ANKRD28: variants seen among roughly 807,000 people sequenced by gnomAD.
ANKRD28 encodes the protein ankyrin repeat domain 28, also known as serine/threonine-protein phosphatase 6 regulatory ankyrin repeat subunit A.
In ANKRD28, 44 loss-of-function variants were observed where a neutral mutation model predicts 126.5. That is an observed-to-expected ratio of 0.35 (90% CI 0.27 to 0.45). The LOEUF (loss-of-function observed/expected upper bound fraction) is 0.45. Among genes scored for constraint, ANKRD28 ranks in the 20% least tolerant of loss-of-function variants. The pLI is 1.00. For synonymous variants in ANKRD28, 442 were observed against 468.5 expected (o/e 0.94, Z 0.73); for missense variants, 1,110 against 1,316.6 (o/e 0.84, Z 2.43).
intron 3 of ANKRD28, among the ~76,000 whole-genome samples, chr3:15,757,485 C>T (rs1012875712): frequency 6.6e-5 from 10 of 152,124 alleles, no homozygotes; most frequent in South Asian, 2.1e-4. Context: ...TGAATGTTTG[C>T]GTTCCCCCAA....
rs186599580 is a variant in ANKRD28 at position 15,797,604 on chromosome 3, T to G, written c.-1083A>C. The G allele has an allele frequency of 2.0e-6, 2 of 985,096 alleles. No homozygotes were observed. The highest frequency in any genetic ancestry group is 3.5e-5 in the African/African-American group (2 of 57,250). The allele number at this position is 985,096 out of a possible 1,614,324, so 61.0% of individuals were successfully genotyped here. On this transcript the variant is annotated 5_prime_UTR_variant, in exon 1 of 28. Coordinates refer to ENST00000683139, the MANE Select transcript of ANKRD28 (RefSeq NM_001349278.2). ...AAAACATAGTAGTGTATCATTCCAG[T>G]GTTTCCTTTGATCTCCACATGAATA...
At chr3:15,758,361 C>G (rs1319081196) in intron 3 of ANKRD28, among the ~76,000 whole-genome samples, 1 of 152,138 alleles carries the variant, frequency 6.6e-6, no homozygotes, top group Non-Finnish European at 1.5e-5. Context: ...TTCCACTTTT[C>G]CAACTATAAT....
exon 1 of ANKRD28, chr3:15,859,427 C>G (rs766601155): frequency 2.0e-6 from 3 of 1,517,870 alleles, no homozygotes; most frequent in Admixed American, 2.0e-5. Flanking sequence ...GCGCCCACTC[C>G]AGCCTCCTCC....
Position 15,788,619 on chromosome 3 carries a change from G to A in ANKRD28, c.201+6604C>T, listed in dbSNP as rs2059889063. ...TACTCTTAATAAAAAATTAATATTTGTAGAAAATAATTTTCTTATAAAGAA... is the reference window on the plus strand; with the variant it reads ...TACTCTTAATAAAAAATTAATATTTATAGAAAATAATTTTCTTATAAAGAA... On this transcript the variant is annotated intron_variant, in intron 2 of 27. Transcript: ENST00000683139. 2.0e-5 allele frequency among the ~76,000 whole-genome samples: 3 copies of A among 152,082 alleles called. No homozygotes were observed. In the South Asian group the frequency reaches 6.2e-4, roughly 31 times the overall value.
At chr3:15,835,267 G>A (rs2061297386) in intron 1 of ANKRD28, among the ~76,000 whole-genome samples, 1 of 152,194 alleles carries the variant, frequency 6.6e-6, no homozygotes, top group Non-Finnish European at 1.5e-5. Context: ...TAAGCAATCT[G>A]TTCATCCTAT....
intron 3 of ANKRD28, chr3:15,756,347 A>G (rs1369858282): frequency 8.4e-6 from 2 of 238,132 alleles, no homozygotes; most frequent in African/African-American, 2.3e-5. Context: ...TTTACACGTA[A>G]TATTTCACCC....
At chr3:15,859,718 C>T (rs2061865978) in exon 1 of ANKRD28, 1 of 157,238 alleles carries the variant, frequency 6.4e-6, no homozygotes, top group East Asian at 1.9e-4. Context: ...GCCGCTGCCG[C>T]CGCCGCCTCC....
At chr3:15,698,952 A>C (rs2070115704) in intron 14 of ANKRD28, among the ~76,000 whole-genome samples, 1 of 152,214 alleles carries the variant, frequency 6.6e-6, no homozygotes, top group African/African-American at 2.4e-5. Context: ...AAGCCAAAAG[A>C]ACAAAGCTGG....
intron 3 of ANKRD28, among the ~76,000 whole-genome samples, chr3:15,758,335 C>CA (rs2058278979): frequency 6.6e-6 from 1 of 152,098 alleles, no homozygotes; most frequent in Admixed American, 6.6e-5. Context: ...GTAGAATGAG[C>CA]AAAAACCAAT....
chr3:15,768,388 G>A (rs1461632885), intron 2 of ANKRD28, among the ~76,000 whole-genome samples: 1 of 152,152 alleles, frequency 6.6e-6, no homozygotes, highest in African/African-American at 2.4e-5. Context: ...TTATTATACA[G>A]ACGTATCTTA....
intron 11 of ANKRD28, 130 bp from the exon 12 acceptor site, chr3:15,711,404 G>A (rs770157408): frequency 1.5e-6 from 1 of 676,462 alleles, no homozygotes; most frequent in African/African-American, 1.8e-5. Flanking sequence ...AAGTGCTAGA[G>A]TGCCTGTTTA....
chr3:15,689,037 T>G (rs1361928568), intron 18 of ANKRD28, among the ~76,000 whole-genome samples: 1 of 152,238 alleles, frequency 6.6e-6, no homozygotes, highest in East Asian at 1.9e-4. Context: ...TAAACCCAAC[T>G]TCTAAGGCAG....
Position 15,797,828 on chromosome 3 carries a change from C to T in ANKRD28, c.-1307G>A. 1.0e-6 allele frequency: 1 copy of T among 985,380 alleles called. No individual in the cohort carries two copies. Among genetic ancestry groups the T allele is most frequent in the Non-Finnish European group, 1.2e-6 (1 of 829,938 alleles). 61.0% of individuals were successfully genotyped at this position (985,380 alleles called of 1,614,324 possible). ...ATCTTGCAAAACACCACTGACATCC[C>T]CAAATGAGTAGGTCCTTAAAAAATA... On this transcript the variant is annotated 5_prime_UTR_variant, in exon 1 of 28. Coordinates refer to ENST00000683139, the MANE Select transcript of ANKRD28 (RefSeq NM_001349278.2).
chr3:15,849,350 C>A (rs1285796146), intron 1 of ANKRD28, among the ~76,000 whole-genome samples: 1 of 152,076 alleles, frequency 6.6e-6, no homozygotes, highest in African/African-American at 2.4e-5. Flanking sequence ...TCTTAAAAAA[C>A]AAAAACAAAA....
chr3:15,713,108 C>G (rs2072541175), intron 10 of ANKRD28, among the ~76,000 whole-genome samples: 1 of 152,042 alleles, frequency 6.6e-6, no homozygotes, highest in African/African-American at 2.4e-5. Flanking sequence ...GGGGTAAGAA[C>G]TCCTTCGTAG....
chr3:15,762,725 C>A (rs991007149), intron 3 of ANKRD28, among the ~76,000 whole-genome samples: 1 of 151,582 alleles, frequency 6.6e-6, no homozygotes, highest in Non-Finnish European at 1.5e-5. Flanking sequence ...ATTTACTTGG[C>A]AGAACCAAAA....
chr3:15,769,136 A>G (rs61577654), intron 2 of ANKRD28, among the ~76,000 whole-genome samples: 3,480 of 152,300 alleles, frequency 0.023, 140 homozygotes, highest in African/African-American at 0.077. Context: ...CCACACACAT[A>G]GCACAACAAC....
intron 17 of ANKRD28, 78 bp from the exon 18 acceptor site, chr3:15,690,298 A>G: frequency 8.3e-7 from 1 of 1,205,542 alleles, no homozygotes; most frequent in Non-Finnish European, 1.1e-6. Context: ...AATGTAAATA[A>G]GCAAACTTGT....
chr3:15,774,946 G>A (rs1349225596), intron 2 of ANKRD28, among the ~76,000 whole-genome samples: 2 of 125,386 alleles, frequency 1.6e-5, no homozygotes, highest in East Asian at 5.6e-4. Context: ...GCACAATCTC[G>A]GCTCACTGCA....
Sources: allele counts gnomAD v4.1 joint callset (sites outside exome capture counted in the v4.1 genomes callset), GRCh38; gene constraint gnomAD v4.1.1; transcripts MANE v1.5; gene names NCBI Gene and HGNC (gene_info 2026-07-23, HGNC 2026-07-21).